The following DHRSX variants were observed in gnomAD, a reference collection of about 807,000 sequenced individuals.
The protein encoded by DHRSX is dehydrogenase/reductase X-linked, also known as polyprenol dehydrogenase.
Under a neutral mutation model 34.0 loss-of-function variants are expected in DHRSX, and 31 were observed. The ratio of observed to expected loss-of-function variants is 0.91; its 90% confidence interval spans 0.69 to 1.23. The LOEUF (loss-of-function observed/expected upper bound fraction) is 1.23. Among genes scored for constraint, DHRSX ranks in the 50% most tolerant of loss-of-function variants. The pLI, the probability that DHRSX is intolerant of heterozygous loss-of-function variation, is 0.00. For missense variants in DHRSX, 414 were observed against 428.1 expected, an observed-to-expected ratio of 0.97 and a Z score of 0.29; for synonymous variants, 201 against 183.8, an observed-to-expected ratio of 1.09 and a Z score of -0.76.
chrX:2,463,842 C>CACAGA (rs1423789129), intron 1 of DHRSX, among the ~76,000 whole-genome samples: 4 of 152,258 alleles, frequency 2.6e-5, no homozygotes, highest in South Asian at 4.2e-4. Context: ...AGGACACAGA[C>CACAGA]ACAGACACGC....
At chrX:2,373,773 G>C (rs2043108583) in intron 3 of DHRSX, among the ~76,000 whole-genome samples, 1 of 152,148 alleles carries the variant, frequency 6.6e-6, no homozygotes. Flanking sequence ...AAGCCAACAG[G>C]AAACCTAGGC....
At chrX:2,242,656 G>A (rs1267276327) in intron 6 of DHRSX, among the ~76,000 whole-genome samples, 3 of 152,080 alleles carry the variant, frequency 2.0e-5, no homozygotes, top group Admixed American at 6.6e-5. Context: ...AGTGACCTCC[G>A]GCTGTCGTGA....
chrX:2,351,146 T>C (rs189709219), intron 3 of DHRSX, among the ~76,000 whole-genome samples: 85 of 152,224 alleles, frequency 5.6e-4, no homozygotes, highest in African/African-American at 2.0e-3. Flanking sequence ...GCTTAAAACG[T>C]AGAAGATTGG....
rs749232119 is a variant in DHRSX, at chrX:2,244,425, ATGTTATTTGCGG to A, written c.597-1207_597-1196del. On this transcript the variant is annotated intron_variant, in intron 5 of 6. Transcript: ENST00000334651. ...TGCCTTAGAAACACTTTTTAAAGAG[ATGTTATTTGCGG>A]TGTTACATAACGTCCCTTGAAGGCA... Among the ~76,000 whole-genome samples the A allele has an allele frequency of 2.4e-4, 37 of 152,194 alleles. No individual in the cohort carries two copies. In the South Asian group the frequency reaches 7.0e-3, roughly 29 times the overall value.
intron 3 of DHRSX, among the ~76,000 whole-genome samples, chrX:2,315,073 G>C (rs1197535799): frequency 1.3e-5 from 2 of 152,038 alleles, no homozygotes; most frequent in Non-Finnish European, 2.9e-5. Flanking sequence ...CAGGAGAATT[G>C]CCTGAACCCG....
At chrX:2,252,115 G>A (rs1368243682) in intron 5 of DHRSX, among the ~76,000 whole-genome samples, 1 of 152,112 alleles carries the variant, frequency 6.6e-6, no homozygotes, top group Non-Finnish European at 1.5e-5. Context: ...GCAGGTGCCT[G>A]TAATCCCAGC....
chrX:2,387,269 G>A (rs1341690068), intron 3 of DHRSX, among the ~76,000 whole-genome samples: 1 of 152,134 alleles, frequency 6.6e-6, no homozygotes, highest in Non-Finnish European at 1.5e-5. Flanking sequence ...ATCAACTGAG[G>A]CAGCAGGGTT....
intron 3 of DHRSX, among the ~76,000 whole-genome samples, chrX:2,324,264 T>C (rs954582901): frequency 1.1e-4 from 16 of 152,038 alleles, no homozygotes; most frequent in East Asian, 3.9e-4. Context: ...AATCCAAACA[T>C]TGAATGCACT....
intron 3 of DHRSX, among the ~76,000 whole-genome samples, chrX:2,323,360 G>T (rs185912894): frequency 1.3e-5 from 2 of 152,142 alleles, no homozygotes; most frequent in Admixed American, 1.3e-4. Flanking sequence ...GGGAAGAGTG[G>T]GTGTGGACAT....
In DHRSX at chrX:2,282,814, G is replaced by A. The variant is rs865825590; in HGVS notation, c.388+8688C>T. Among the ~76,000 whole-genome samples, 273 of 63,778 alleles carry A rather than the reference G, an allele frequency of 4.3e-3. 9 individuals carry two copies. The highest frequency in any genetic ancestry group is 0.012 in the African/African-American group (245 of 19,992). The allele number at this position is 63,778 out of a possible 152,430, so 41.8% of individuals were successfully genotyped here. On this transcript the variant is annotated intron_variant, in intron 4 of 6. Transcript: ENST00000334651. ...AGAGAAGAAAGAGAGAAGAGAGAAA[G>A]AGAGAGAGGGAGAGAGAGGGAGAAA...
At chrX:2,330,831 G>A (rs375557732) in intron 3 of DHRSX, among the ~76,000 whole-genome samples, 107 of 152,114 alleles carry the variant, frequency 7.0e-4, no homozygotes, top group African/African-American at 2.4e-3. Context: ...AAAGAAGAGA[G>A]AGATGAGAAA....
chrX:2,302,107 A>G (rs1415472595), intron 3 of DHRSX, among the ~76,000 whole-genome samples: 3 of 152,120 alleles, frequency 2.0e-5, no homozygotes, highest in Non-Finnish European at 4.4e-5. Context: ...GGACACTTTA[A>G]ATAACACAAC....
chrX:2,435,104 G>A (rs2043976478), intron 1 of DHRSX, among the ~76,000 whole-genome samples: 1 of 151,532 alleles, frequency 6.6e-6, no homozygotes, highest in Non-Finnish European at 1.5e-5. Flanking sequence ...CAGAAATAGA[G>A]AACAGACTAG....
chrX:2,454,231 G>A (rs2044265466), intron 1 of DHRSX, among the ~76,000 whole-genome samples: 1 of 152,012 alleles, frequency 6.6e-6, no homozygotes, highest in South Asian at 2.1e-4. Flanking sequence ...TGTGCTCAAG[G>A]TGTATCCACA....
intron 3 of DHRSX, among the ~76,000 whole-genome samples, chrX:2,315,034 T>C (rs2042225414): frequency 6.6e-6 from 1 of 152,048 alleles, no homozygotes; most frequent in East Asian, 1.9e-4. Flanking sequence ...GGCGCATGCC[T>C]GTAATCCCAG....
At chrX:2,316,050 CG>C (rs895505821) in intron 3 of DHRSX, among the ~76,000 whole-genome samples, 4 of 152,064 alleles carry the variant, frequency 2.6e-5, no homozygotes, top group African/African-American at 9.7e-5. Flanking sequence ...TTAGTAGAGA[CG>C]GGTTTTCTCC....
chrX:2,357,082 GA>G (rs1327463915), intron 3 of DHRSX, among the ~76,000 whole-genome samples: 1 of 151,988 alleles, frequency 6.6e-6, no homozygotes, highest in African/African-American at 2.4e-5. Flanking sequence ...CGTCTCTACT[GA>G]AAATACAAAA....
At chrX:2,468,817 T>C (rs1288619504) in intron 1 of DHRSX, among the ~76,000 whole-genome samples, 3 of 151,212 alleles carry the variant, frequency 2.0e-5, no homozygotes, top group African/African-American at 7.3e-5. Flanking sequence ...ACTGCTGCCA[T>C]GTACACACTG....
intron 1 of DHRSX, among the ~76,000 whole-genome samples, chrX:2,475,344 G>C (rs193069432): frequency 5.3e-5 from 8 of 149,920 alleles, no homozygotes; most frequent in Non-Finnish European, 1.2e-4. Flanking sequence ...CTAAGCATGC[G>C]GCTAAGGGAA....
Sources: allele counts gnomAD v4.1 joint callset (sites outside exome capture counted in the v4.1 genomes callset), GRCh38; gene constraint gnomAD v4.1.1; transcripts MANE v1.5; gene names NCBI Gene and HGNC (gene_info 2026-07-23, HGNC 2026-07-21).